Variants in FAM177A1 observed in about 807,000 individuals in gnomAD.
The protein encoded by FAM177A1 is family with sequence similarity 177 member A1, also known as protein FAM177A1.
A neutral mutation model predicts 26.1 loss-of-function variants in FAM177A1; 22 were observed. That is an observed-to-expected ratio of 0.84 (90% CI 0.60 to 1.20). The LOEUF (loss-of-function observed/expected upper bound fraction) is 1.20, where lower values mean the gene tolerates loss of function less well. FAM177A1 is among the 50% of genes most tolerant of loss of function. The pLI is 0.00. For synonymous variants in FAM177A1, 95 were observed against 99.3 expected (o/e 0.96, Z 0.26); for missense variants, 296 against 291.1 (o/e 1.02, Z -0.12).
At chr14:35,077,284 A>C (rs2045411099) in intron 3 of FAM177A1, 68 bp downstream of exon 3, 1 of 1,424,442 alleles carries the variant, frequency 7.0e-7, no homozygotes, top group African/African-American at 1.4e-5. Context: ...ACTTTGCTAA[A>C]TAGGATGTTT....
chr14:35,079,670 C>A (rs1361624957), intron 4 of FAM177A1, among the ~76,000 whole-genome samples: 2 of 152,120 alleles, frequency 1.3e-5, no homozygotes, highest in Non-Finnish European at 2.9e-5. Flanking sequence ...AGAATTGCAG[C>A]ATCCATGCTC....
chr14:35,082,886 G>A lies in FAM177A1; in HGVS notation c.*1658G>A, dbSNP rs1476562510. On this transcript the variant is annotated 3_prime_UTR_variant, in exon 5 of 5. Coordinates refer to ENST00000280987, the MANE Select transcript of FAM177A1 (RefSeq NM_173607.5). ...AGGATAATTAAACTTTTCATTAGGA[G>A]TGTTCAGCTACATGGATTCATGGAA... The A allele has an allele frequency of 1.3e-5, 2 of 152,194 alleles. No homozygotes were observed. The highest frequency in any genetic ancestry group is 4.8e-5 in the African/African-American group (2 of 41,452). 9.4% of individuals were successfully genotyped at this position (152,194 alleles called of 1,614,324 possible). A position where few individuals can be genotyped will look rare whatever the true frequency, so the allele number is the denominator to read the frequency against.
rs1173422226 is a variant in FAM177A1, at chr14:35,082,305, G to C, written c.*1077G>C. ...GAAGTGGGCAGATTACTTGAGGTCA[G>C]GAGTTTGAGACCAGCCTGGCCAACG... On this transcript the variant is annotated 3_prime_UTR_variant, in exon 5 of 5. Transcript: ENST00000280987. 1 of 152,220 alleles carries C rather than the reference G, an allele frequency of 6.6e-6. No individual in the cohort carries two copies. The highest frequency in any genetic ancestry group is 2.4e-5 in the African/African-American group (1 of 41,434). 9.4% of individuals were successfully genotyped at this position (152,220 alleles called of 1,614,324 possible). A position where few individuals can be genotyped will look rare whatever the true frequency, so the allele number is the denominator to read the frequency against.
intron 2 of FAM177A1, among the ~76,000 whole-genome samples, chr14:35,055,608 A>G (rs1404877021): frequency 1.3e-5 from 2 of 151,176 alleles, no homozygotes; most frequent in Admixed American, 6.6e-5. Flanking sequence ...TAATTTTTGT[A>G]TTTTTTTTAG....
chr14:35,053,192 A>G (rs2045002315), intron 1 of FAM177A1, 86 bp from the exon 2 acceptor site: 1 of 1,256,760 alleles, frequency 8.0e-7, no homozygotes, highest in East Asian at 2.4e-5. Context: ...TCTTTACTAC[A>G]ATAAACCTAC....
chr14:35,055,948 T>A (rs939876589), intron 2 of FAM177A1, among the ~76,000 whole-genome samples: 1 of 152,234 alleles, frequency 6.6e-6, no homozygotes, highest in Non-Finnish European at 1.5e-5. Flanking sequence ...TGATTTACAT[T>A]CCCTTGATGG....
Position 35,081,325 on chromosome 14 carries a change from A to G in FAM177A1, c.*97A>G. ...TCAGTGGGACTTAATACAATTATTT[A>G]TATTTTAAATTATTAAAGTATCTGG... On this transcript the variant is annotated 3_prime_UTR_variant, in exon 5 of 5. Transcript: ENST00000280987. The G allele has an allele frequency of 1.8e-6, 2 of 1,132,530 alleles. No individual in the cohort carries two copies. Among genetic ancestry groups the G allele is most frequent in the Non-Finnish European group, 1.2e-6 (1 of 835,852 alleles). The allele number at this position is 1,132,530 out of a possible 1,614,324, so 70.2% of individuals were successfully genotyped here.
chr14:35,057,689 A>G lies in FAM177A1; in HGVS notation c.339+4238A>G, dbSNP rs115682626. On this transcript the variant is annotated intron_variant, in intron 2 of 4. Coordinates refer to ENST00000280987, the MANE Select transcript of FAM177A1 (RefSeq NM_173607.5). ...GCCACTGCGCCCAGCCTATACCTTCATTTTTATTTAAAGTATTTTCTTTTT... is the reference window on the plus strand; with the variant it reads ...GCCACTGCGCCCAGCCTATACCTTCGTTTTTATTTAAAGTATTTTCTTTTT... Among the ~76,000 whole-genome samples the G allele has an allele frequency of 7.1e-3, 1,073 of 151,736 alleles. 7 individuals are homozygous for G. The highest frequency in any genetic ancestry group is 0.024 in the African/African-American group (988 of 41,360).
rs2045514781 is a variant in FAM177A1, at chr14:35,083,287, T to C, written c.*2059T>C. On this transcript the variant is annotated 3_prime_UTR_variant, in exon 5 of 5. Transcript: ENST00000280987. Reference sequence around the variant, plus strand: ...AATTTTACTTTTGCTACTTGTCCAATAGTGGCTAGTTTATGTTTATCAATA... The same window carrying C: ...AATTTTACTTTTGCTACTTGTCCAACAGTGGCTAGTTTATGTTTATCAATA... The C allele has an allele frequency of 6.5e-6, 1 of 152,686 alleles. No homozygotes were observed. The highest frequency in any genetic ancestry group is 6.5e-5 in the Admixed American group (1 of 15,282). 9.5% of individuals were successfully genotyped at this position (152,686 alleles called of 1,614,324 possible).
Position 35,060,669 on chromosome 14 carries a change from A to G in FAM177A1, c.339+7218A>G, listed in dbSNP as rs778845180. Reference sequence around the variant, plus strand: ...TTAGTGAAGTCTATTCTCCACTCCTATTCTTTCCTGCAAATTAGCTAGCCT... The same window carrying G: ...TTAGTGAAGTCTATTCTCCACTCCTGTTCTTTCCTGCAAATTAGCTAGCCT... On this transcript the variant is annotated intron_variant, in intron 2 of 4. Transcript: ENST00000280987. 3.9e-5 allele frequency among the ~76,000 whole-genome samples: 6 copies of G among 152,230 alleles called. No individual in the cohort carries two copies. The East Asian group carries it at 5.8e-4, about 15-fold the overall frequency.
intron 2 of FAM177A1, among the ~76,000 whole-genome samples, chr14:35,061,096 TCAGTATTATCCG>T (rs1287112942): frequency 2.0e-5 from 3 of 152,174 alleles, no homozygotes; most frequent in Non-Finnish European, 4.4e-5. Flanking sequence ...AGTATAGGGT[TCAGTATTATCCG>T]CAGTTTCAGT....
intron 2 of FAM177A1, among the ~76,000 whole-genome samples, chr14:35,076,035 G>GATT (rs1169801059): frequency 3.9e-5 from 6 of 152,160 alleles, no homozygotes; most frequent in African/African-American, 1.4e-4. Flanking sequence ...ACAGTGTGGC[G>GATT]ATTCCTCAAG....
intron 3 of FAM177A1, 86 bp downstream of exon 3, chr14:35,077,302 GAAGGAGAAAC>G: frequency 1.6e-6 from 2 of 1,237,820 alleles, no homozygotes; most frequent in Admixed American, 3.4e-5. Flanking sequence ...TTTCCAAACT[GAAGGAGAAAC>G]AATAGGGAGT....
Position 35,046,327 on chromosome 14 carries a change from G to T in FAM177A1, c.-137G>T. 2 of 1,080,274 alleles carry T rather than the reference G, an allele frequency of 1.9e-6. No individual in the cohort carries two copies. Among genetic ancestry groups the T allele is most frequent in the Non-Finnish European group, 2.5e-6 (2 of 806,044 alleles). 66.9% of individuals were successfully genotyped at this position (1,080,274 alleles called of 1,614,324 possible). A position where few individuals can be genotyped will look rare whatever the true frequency, so the allele number is the denominator to read the frequency against. ...GAGCCCGGCGGGCTAGGCGAGGCGC[G>T]GGCTGGCCCCGCCCCTCAGGCCGGC... On this transcript the variant is annotated 5_prime_UTR_variant, in exon 1 of 5. Coordinates refer to ENST00000280987, the MANE Select transcript of FAM177A1 (RefSeq NM_173607.5).
chr14:35,056,939 T>A (rs1053618212), intron 2 of FAM177A1, among the ~76,000 whole-genome samples: 2 of 152,316 alleles, frequency 1.3e-5, no homozygotes, highest in Middle Eastern at 3.4e-3. Context: ...ATTTTGGGCA[T>A]TTACTCTTTC....
chr14:35,045,460 A>C (rs1288282680), upstream of FAM177A1, among the ~76,000 whole-genome samples: 2 of 152,166 alleles, frequency 1.3e-5, no homozygotes, highest in Non-Finnish European at 2.9e-5. Context: ...ATGATGAAAA[A>C]CATTTACAAG....
At position 35,046,480 on chromosome 14, in the gene FAM177A1, C is replaced by A; in HGVS notation, c.17C>A (p.Pro6Gln). ...AGACCAAGGATGGAAGTGGGCTTACCGGCCATTACCCTCTTTCTCACCAGC... is the reference window on the plus strand; with the variant it reads ...AGACCAAGGATGGAAGTGGGCTTACAGGCCATTACCCTCTTTCTCACCAGC... The part of the protein sequence containing the change: MEVGL[P>Q]AITLFLTSAS... Residue 6 changes from proline to glutamine, a missense_variant, in exon 1 of 5, where the codon CCG (proline) becomes CAG (glutamine). By Grantham distance (76) the Pro-to-Gln change is moderately conservative (BLOSUM62 -1). Coordinates refer to ENST00000280987, the MANE Select transcript of FAM177A1 (RefSeq NM_173607.5). 1 of 1,590,498 alleles carries A rather than the reference C, an allele frequency of 6.3e-7. No individual in the cohort carries two copies. Among genetic ancestry groups the A allele is most frequent in the Admixed American group, 1.7e-5 (1 of 57,780 alleles).
chr14:35,065,312 TAAA>T, intron 2 of FAM177A1, among the ~76,000 whole-genome samples: 2 of 151,194 alleles, frequency 1.3e-5, no homozygotes, highest in African/African-American at 4.8e-5. Context: ...TTTAATATAT[TAAA>T]CCATAATGTA....
rs1434782801 is a variant in FAM177A1 at position 35,081,213 on chromosome 14, C to A, written c.696C>A (p.Val232=). The A allele has an allele frequency of 2.5e-6, 4 of 1,610,980 alleles. No individual in the cohort carries two copies. Among genetic ancestry groups the A allele is most frequent in the Non-Finnish European group, 3.4e-6 (4 of 1,179,272 alleles). ...TTATGGAAAGCAAGCAAAATCCAGT[C>A]TCTGTCCCACCATAAAATGAAATGA... ...EVIMESKQNP[V]SVPP is the part of the protein sequence containing the mutation. Residue 232 remains valine, a synonymous_variant, in exon 5 of 5, where the codon GTC becomes GTA. Transcript: ENST00000280987.
Sources: allele counts gnomAD v4.1 joint callset (sites outside exome capture counted in the v4.1 genomes callset), GRCh38; gene constraint gnomAD v4.1.1; transcripts MANE v1.5; gene names NCBI Gene and HGNC (gene_info 2026-07-23, HGNC 2026-07-21).